TMEM132E: variants seen among roughly 807,000 people sequenced by gnomAD.
TMEM132E encodes the protein transmembrane protein 132E.
A neutral mutation model predicts 78.5 loss-of-function variants in TMEM132E; 49 were observed. The ratio of observed to expected loss-of-function variants is 0.62; its 90% CI spans 0.50 to 0.79. The LOEUF is 0.79. Ranked by LOEUF, TMEM132E falls within the 30% of genes least tolerant of loss-of-function variation. The pLI, the probability that TMEM132E is intolerant of heterozygous loss-of-function variation, is 0.00. For synonymous variants in TMEM132E, 715 were observed against 670.6 expected (o/e 1.07, Z -1.02); for missense variants, 1,403 against 1,470.9 (o/e 0.95, Z 0.75).
chr17:34,607,295 A>G (rs1257569575), intron 1 of TMEM132E, among the ~76,000 whole-genome samples: 1 of 152,226 alleles, frequency 6.6e-6, no homozygotes, highest in Non-Finnish European at 1.5e-5. Context: ...CCCACAGACC[A>G]CAGGGGAGAC....
chr17:34,620,071 G>A (rs1177880416), intron 1 of TMEM132E, among the ~76,000 whole-genome samples: 1 of 152,264 alleles, frequency 6.6e-6, no homozygotes. Flanking sequence ...ATCAGATCTT[G>A]ATTAGAAGCA....
chr17:34,588,529 C>T (rs187824410), intron 1 of TMEM132E, among the ~76,000 whole-genome samples: 164 of 152,280 alleles, frequency 1.1e-3, no homozygotes, highest in Non-Finnish European at 5.6e-4. Flanking sequence ...ATTCAGTTAG[C>T]GCTTACTACG....
intron 1 of TMEM132E, 102 bp downstream of exon 1, chr17:34,581,245 C>G (rs1905470577): frequency 1.1e-5 from 12 of 1,079,872 alleles, no homozygotes; most frequent in African/African-American, 1.7e-5. Context: ...CCTGGACTCG[C>G]AGCCGCCACT....
chr17:34,637,169 T>C lies in TMEM132E; in HGVS notation c.2170-8T>C, dbSNP rs775572067. 5 of 1,590,068 alleles carry C rather than the reference T, an allele frequency of 3.1e-6. No homozygotes were observed. The highest frequency in any genetic ancestry group is 4.3e-6 in the Non-Finnish European group (5 of 1,164,436). ...GACTCCTATCCCCTCCTTCTCCTTC[T>C]CCTCCAGGAAGCCCTACTGAGCCTC... On this transcript the variant is annotated splice_region_variant and splice_polypyrimidine_tract_variant and intron_variant, in intron 8 of 8. Coordinates refer to ENST00000631683, the MANE Select transcript of TMEM132E (RefSeq NM_001304438.2).
At chr17:34,629,925 C>A in intron 4 of TMEM132E, 83 bp from the exon 5 acceptor site, 1 of 1,387,342 alleles carries the variant, frequency 7.2e-7, no homozygotes, top group Non-Finnish European at 9.6e-7. Flanking sequence ...GGGGGGGGAG[C>A]GTCCAGGAGC....
At chr17:34,611,795 G>A (rs1438482851) in intron 1 of TMEM132E, among the ~76,000 whole-genome samples, 1 of 152,194 alleles carries the variant, frequency 6.6e-6, no homozygotes, top group Non-Finnish European at 1.5e-5. Context: ...TGAATTCACG[G>A]TGATGATTCC....
intron 1 of TMEM132E, among the ~76,000 whole-genome samples, chr17:34,613,981 A>G (rs1843971857): frequency 6.6e-6 from 1 of 152,134 alleles, no homozygotes; most frequent in African/African-American, 2.4e-5. Flanking sequence ...GGCCCTTCCC[A>G]CAAGCACACC....
intron 1 of TMEM132E, among the ~76,000 whole-genome samples, chr17:34,601,290 G>C (rs1418495236): frequency 2.6e-5 from 4 of 152,184 alleles, no homozygotes; most frequent in Non-Finnish European, 4.4e-5. Context: ...GCATCTTGTG[G>C]GGGTACTACA....
Position 34,635,105 on chromosome 17 carries a change from C to G in TMEM132E, c.1977+18C>G. On this transcript the variant is annotated intron_variant, in intron 7 of 8. Transcript: ENST00000631683. ...CCTTTAAGGTAGGTATGGGCTCTGT[C>G]CCAGCACAAAGGGGCAGTGTCGGGA... 6.3e-7 allele frequency: 1 copy of G among 1,592,492 alleles called. No individual in the cohort carries two copies. The highest frequency in any genetic ancestry group is 8.6e-7 in the Non-Finnish European group (1 of 1,167,602).
At chr17:34,630,433 T>A (rs889011059) in intron 5 of TMEM132E, among the ~76,000 whole-genome samples, 3 of 151,858 alleles carry the variant, frequency 2.0e-5, no homozygotes, top group Admixed American at 6.5e-5. Flanking sequence ...TGGATATTGC[T>A]TTGGCCAGTC....
chr17:34,581,143 G>C lies in TMEM132E; in HGVS notation c.67G>C (p.Ala23Pro). 1 of 1,515,240 alleles carries C rather than the reference G, an allele frequency of 6.6e-7. No individual in the cohort carries two copies. The highest frequency in any genetic ancestry group is 8.8e-7 in the Non-Finnish European group (1 of 1,136,442). The allele number at this position is 1,515,240 out of a possible 1,614,324, so 93.9% of individuals were successfully genotyped here. ...CTGCCTCTCAGCGCTACTCGCCCACGGTAAGTGTCGCGGCGCGGACTGGGG... is the reference window on the plus strand; with the variant it reads ...CTGCCTCTCAGCGCTACTCGCCCACCGTAAGTGTCGCGGCGCGGACTGGGG... ...LLCLSALLAH[A>P]SGRSHPASPS... The change falls in exon 1 of 9, where the codon GCC (alanine) becomes CCC (proline). Residue 23 changes from alanine (A) to proline (P), a missense_variant and splice_region_variant. Ala to Pro is a conservative substitution (Grantham distance 27). Around this residue, in one of 3 missense-constraint regions of TMEM132E, gnomAD observed 511 missense variants for 499.0 expected, o/e 1.02. Transcript: ENST00000631683.
intron 1 of TMEM132E, among the ~76,000 whole-genome samples, chr17:34,595,047 G>A (rs2142055219): frequency 6.6e-6 from 1 of 152,368 alleles, no homozygotes; most frequent in South Asian, 2.1e-4. Context: ...GGCCTACCCG[G>A]ACTTTGGAAA....
chr17:34,603,121 A>G (rs1906292571), intron 1 of TMEM132E, among the ~76,000 whole-genome samples: 1 of 152,186 alleles, frequency 6.6e-6, no homozygotes, highest in African/African-American at 2.4e-5. Flanking sequence ...TCGTGGCTGC[A>G]TCTAGGCTGA....
intron 1 of TMEM132E, among the ~76,000 whole-genome samples, chr17:34,604,230 C>T (rs937283087): frequency 5.3e-5 from 8 of 152,168 alleles, no homozygotes; most frequent in African/African-American, 1.9e-4. Flanking sequence ...CTGAGCTCTT[C>T]AGAATGGCTT....
At position 34,626,839 on chromosome 17, in the gene TMEM132E, G is replaced by T. The variant is rs766982094; in HGVS notation, c.780G>T (p.Ala260=). 2.5e-6 allele frequency: 4 copies of T among 1,579,820 alleles called. No homozygotes were observed. Among genetic ancestry groups the T allele is most frequent in the East Asian group, 2.3e-5 (1 of 43,120 alleles). The change falls in exon 2 of 9, where the codon GCG becomes GCT. Residue 260 remains alanine (A), a synonymous_variant. Transcript: ENST00000631683. ...RGAGPGVGAR[A]ESPTQHPLLR... ...CCGGGCCCGGGGTGGGGGCCCGAGC[G>T]GAAAGCCCTACCCAGCACCCCCTGC...
rs1255685217 is a variant in TMEM132E, at chr17:34,613,205, A to G, written c.68-12922A>G. Among the ~76,000 whole-genome samples the G allele has an allele frequency of 4.3e-3, 441 of 103,530 alleles. 3 individuals carry two copies. Among genetic ancestry groups the G allele is most frequent in the Non-Finnish European group, 5.1e-3 (233 of 46,134 alleles). The allele number at this position is 103,530 out of a possible 152,430, so 67.9% of individuals were successfully genotyped here. A position where few individuals can be genotyped will look rare whatever the true frequency, so the allele number is the denominator to read the frequency against. ...CACACACACACACACACCCACACACACACACACGCGCGCGCGCGCGCGTTC... is the reference window on the plus strand; with the variant it reads ...CACACACACACACACACCCACACACGCACACACGCGCGCGCGCGCGCGTTC... On this transcript the variant is annotated intron_variant, in intron 1 of 8. Transcript: ENST00000631683.
intron 1 of TMEM132E, among the ~76,000 whole-genome samples, chr17:34,625,832 T>C (rs759600336): frequency 4.6e-5 from 7 of 152,188 alleles, no homozygotes; most frequent in Non-Finnish European, 1.0e-4. Flanking sequence ...TCCTGAAGGT[T>C]CACAAGGTTT....
intron 8 of TMEM132E, among the ~76,000 whole-genome samples, chr17:34,636,683 C>A (rs901851879): frequency 1.3e-5 from 2 of 152,176 alleles, no homozygotes; most frequent in African/African-American, 2.4e-5. Context: ...CACCCCAAGG[C>A]AATCACTTCT....
intron 1 of TMEM132E, among the ~76,000 whole-genome samples, chr17:34,604,867 C>T (rs1906361631): frequency 6.6e-6 from 1 of 152,226 alleles, no homozygotes; most frequent in Non-Finnish European, 1.5e-5. Flanking sequence ...GCCCCATGAG[C>T]TGGATGTTAC....
Sources: gnomAD v4.1 joint callset for allele counts (sites outside exome capture counted in the v4.1 genomes callset) on GRCh38, gnomAD v4.1.1 for gene constraint, gnomAD v4.1.1 regional missense constraint, MANE v1.5 for transcripts, NCBI Gene and HGNC (gene_info 2026-07-23, HGNC 2026-07-21) for gene names.